CELSR1: variants seen among roughly 807,000 people sequenced by gnomAD.
CELSR1 encodes adhesion G protein-coupled receptor C1.
CELSR1 carries 110 observed loss-of-function variants against 249.1 expected under a neutral mutation model. The observed-to-expected ratio is 0.44, with a 90% confidence interval of 0.38 to 0.52. The LOEUF (loss-of-function observed/expected upper bound fraction) is 0.52. CELSR1 is among the 20% of genes least tolerant of loss of function. CELSR1 has a pLI of 0.00. For synonymous variants in CELSR1, 2,113 were observed against 1,900.0 expected (o/e 1.11, Z -2.92); for missense variants, 4,109 against 4,296.4 (o/e 0.96, Z 1.22).
chr22:46,368,660 C>T (rs114511168), intron 27 of CELSR1, among the ~76,000 whole-genome samples: 3,129 of 152,176 alleles, frequency 0.021, 107 homozygotes, highest in African/African-American at 0.071. Context: ...GGCTCCTGGA[C>T]GCTGTGCTGA....
In CELSR1 at chr22:46,436,736, C is replaced by A. The variant is rs1333120676; in HGVS notation, c.4407-447G>T. Among the ~76,000 whole-genome samples, 2 of 151,918 alleles carry A rather than the reference C, an allele frequency of 1.3e-5. No homozygotes were observed. The highest frequency in any genetic ancestry group is 2.9e-5 in the Non-Finnish European group (2 of 67,990). ...AGGACCATTCTTATGGCCTCTCCCC[C>A]CGGCACTCAGCCACAATAGCATCTT... On this transcript the variant is annotated intron_variant, in intron 3 of 34. Transcript: ENST00000674500. The surrounding 1 kb of genome is among the most constrained non-coding windows in gnomAD (Gnocchi z 5.9).
rs1291615845 is a variant in CELSR1, at chr22:46,537,256, G to A, written c.-86C>T. The A allele has an allele frequency of 1.2e-5, 12 of 1,006,214 alleles. No individual in the cohort carries two copies. Among genetic ancestry groups the A allele is most frequent in the Admixed American group, 5.9e-5 (1 of 16,864 alleles). 62.3% of individuals were successfully genotyped at this position (1,006,214 alleles called of 1,614,324 possible). On this transcript the variant is annotated 5_prime_UTR_variant, in exon 1 of 35. Coordinates refer to ENST00000674500, the MANE Select transcript of CELSR1 (RefSeq NM_001378328.1). The surrounding 1 kb of genome is among the most constrained non-coding windows in gnomAD (Gnocchi z 5.8). ...CGCATCCACCCGGCGAGGCCGGGGA[G>A]CGGCTCCCGGGCGCCCGGCCCTCGG...
At chr22:46,449,938 A>ACTCACATGCACG (rs2079863430) in intron 2 of CELSR1, among the ~76,000 whole-genome samples, 2 of 114,942 alleles carry the variant, frequency 1.7e-5, no homozygotes, top group Non-Finnish European at 3.7e-5. Context: ...GTGCTCACAC[A>ACTCACATGCACG]CACTCACATG....
At chr22:46,523,712 G>GC (rs1569217701) in intron 1 of CELSR1, among the ~76,000 whole-genome samples, 1 of 152,062 alleles carries the variant, frequency 6.6e-6, no homozygotes, top group Non-Finnish European at 1.5e-5. Context: ...GTCAGCCCCT[G>GC]CTCTGAGCAG....
chr22:46,377,529 T>A, intron 23 of CELSR1: 1 of 502,300 alleles, frequency 2.0e-6, no homozygotes, highest in East Asian at 3.5e-5. Flanking sequence ...TTCAGAGACC[T>A]CTGGCTTTGG....
chr22:46,387,842 T>G (rs2079048579), intron 18 of CELSR1, among the ~76,000 whole-genome samples: 2 of 152,064 alleles, frequency 1.3e-5, no homozygotes, highest in African/African-American at 2.4e-5. Flanking sequence ...CCCTGGTTAT[T>G]ACATCAGAAC....
chr22:46,516,153 C>G (rs1345821515), intron 1 of CELSR1, among the ~76,000 whole-genome samples: 2 of 152,176 alleles, frequency 1.3e-5, no homozygotes, highest in African/African-American at 4.8e-5. Context: ...AAGACACATG[C>G]ACACGTATGT....
chr22:46,399,336 C>T lies in CELSR1; in HGVS notation c.5412+381G>A, dbSNP rs1034887170. 6.6e-6 allele frequency among the ~76,000 whole-genome samples: 1 copy of T among 152,214 alleles called. No individual in the cohort carries two copies. The stretch of plus-strand genomic sequence containing the variant: ...CTCACTGCTCTCCCAGTTTTGCTCC[C>T]CATCCATGCTCTGAGGGCACGGGCC... On this transcript the variant is annotated intron_variant, in intron 10 of 34. Coordinates refer to ENST00000674500, the MANE Select transcript of CELSR1 (RefSeq NM_001378328.1). This position sits in a 1 kb window ranked among gnomAD's most constrained non-coding sequence, Gnocchi z 5.0.
Position 46,463,936 on chromosome 22 carries a change from G to T in CELSR1, c.3954C>A (p.Cys1318Ter). ...LREPCENYMK[C>*]VSVLRFDSSA... ...AGCTGTCGAATCGCAGAACGGACAC[G>T]CACTTCATGTAGTTCTCGCAGGGCT... Residue 1318 changes from cysteine to a stop codon, truncating the protein, a stop_gained, in exon 2 of 35, where the codon TGC (cysteine) becomes TGA (stop). Transcript: ENST00000674500. LOFTEE classifies it high-confidence loss of function. 6.2e-7 allele frequency: 1 copy of T among 1,614,032 alleles called. No homozygotes were observed. The highest frequency in any genetic ancestry group is 1.1e-5 in the South Asian group (1 of 91,086).
rs779517648 is a variant in CELSR1, at chr22:46,536,502, G to C, written c.669C>G (p.Pro223=). ...SPSPPLPPNL[P]EARAGPARRA... is the part of the protein sequence containing the mutation. ...GTCGCGCCGGCCCCGCCCGGGCTTC[G>C]GGCAAGTTCGGCGGCAGGGGCGGCG... The change falls in exon 1 of 35, where the codon CCC becomes CCG. Residue 223 remains proline (P), a synonymous_variant. Coordinates refer to ENST00000674500, the MANE Select transcript of CELSR1 (RefSeq NM_001378328.1). The C allele has an allele frequency of 2.5e-5, 38 of 1,545,156 alleles. No homozygotes were observed. The Admixed American group carries it at 3.3e-4, about 13-fold the overall frequency.
In CELSR1 at chr22:46,440,491, G is replaced by A. The variant is rs947059213; in HGVS notation, c.4184-1080C>T. On this transcript the variant is annotated intron_variant, in intron 2 of 34. Transcript: ENST00000674500. The surrounding 1 kb of genome is among the most constrained non-coding windows in gnomAD (Gnocchi z 4.7). ...TGGGATTACAGGCGTGAGCCACCGC[G>A]CCCGGCCAGTATGATCAATCTTTAA... is the stretch of plus-strand genomic sequence containing the variant. Among the ~76,000 whole-genome samples, 3 of 152,300 alleles carry A rather than the reference G, an allele frequency of 2.0e-5. No homozygotes were observed. The highest frequency in any genetic ancestry group is 4.1e-4 in the South Asian group (2 of 4,820).
At chr22:46,397,937 G>A (rs538384213) in intron 11 of CELSR1, 89 bp from the exon 12 acceptor site, 41 of 1,136,318 alleles carry the variant, frequency 3.6e-5, no homozygotes, top group Non-Finnish European at 4.5e-5. Context: ...GGTCCCTTGC[G>A]AGGCATTCAT....
At position 46,528,798 on chromosome 22, in the gene CELSR1, G is replaced by A. The variant is rs912666017; in HGVS notation, c.3544+4829C>T. 3.3e-5 allele frequency among the ~76,000 whole-genome samples: 5 copies of A among 151,432 alleles called. No individual in the cohort carries two copies. The East Asian group carries it at 5.8e-4, about 18-fold the overall frequency. Reference sequence around the variant, plus strand: ...AAAAAAATCAGCCGGGCGTGGTGGCGGGCGCCTGTAGTCCCAGCTACTCGG... The same window carrying A: ...AAAAAAATCAGCCGGGCGTGGTGGCAGGCGCCTGTAGTCCCAGCTACTCGG... On this transcript the variant is annotated intron_variant, in intron 1 of 34. Coordinates refer to ENST00000674500, the MANE Select transcript of CELSR1 (RefSeq NM_001378328.1).
intron 1 of CELSR1, among the ~76,000 whole-genome samples, chr22:46,531,292 G>A (rs2080789737): frequency 6.6e-6 from 1 of 150,968 alleles, no homozygotes; most frequent in African/African-American, 2.4e-5. Context: ...TGCAACCTCC[G>A]CCTCCCAGAT....
rs2079924434 is a variant in CELSR1 at position 46,454,559 on chromosome 22, C to T, written c.4183+9148G>A. On this transcript the variant is annotated intron_variant, in intron 2 of 34. Transcript: ENST00000674500. The surrounding 1 kb of genome is among the most constrained non-coding windows in gnomAD (Gnocchi z 5.1). ...AGCGAGGTTTCTATTGCATGCGGCT[C>T]GTCTTCAGGCCACTTTTCTAACTGT... 6.6e-6 allele frequency among the ~76,000 whole-genome samples: 1 copy of T among 152,256 alleles called. No individual in the cohort carries two copies. The highest frequency in any genetic ancestry group is 2.1e-4 in the South Asian group (1 of 4,838).
chr22:46,466,468 G>A (rs1193183497), intron 1 of CELSR1, among the ~76,000 whole-genome samples: 6 of 152,292 alleles, frequency 3.9e-5, no homozygotes, highest in South Asian at 2.1e-4. Context: ...CAGCACTCCC[G>A]TCCAGGGCCC....
Position 46,378,626 on chromosome 22 carries a change from T to G in CELSR1, c.7348A>C (p.Ser2450Arg). 6.3e-7 allele frequency: 1 copy of G among 1,599,148 alleles called. No homozygotes were observed. The highest frequency in any genetic ancestry group is 8.5e-7 in the Non-Finnish European group (1 of 1,173,904). ...GAGATATCCATGAGCACCGCAAAGC[T>G]GGCTGTGTGGCTGCACTGGCAGGCG... ...HVACQCSHTA[S>R]FAVLMDISRR... Residue 2450 changes from serine (S) to arginine (R), a missense_variant, in exon 23 of 35, where the codon AGC becomes CGC. By Grantham distance (110) the Ser-to-Arg change is moderately radical. This residue lies in a region of CELSR1 where 1,805 missense variants were observed against 1,831.6 expected (regional missense o/e 0.99). Coordinates refer to ENST00000674500, the MANE Select transcript of CELSR1 (RefSeq NM_001378328.1).
chr22:46,530,159 A>T (rs924200138), intron 1 of CELSR1: 7 of 146,562 alleles, frequency 4.8e-5, no homozygotes, highest in Non-Finnish European at 7.4e-5. Context: ...CAAATAATTA[A>T]AAAAAAAATC....
chr22:46,417,574 C>G lies in CELSR1; in HGVS notation c.4612-5815G>C, dbSNP rs908328986. ...AAGCCCAACTGAGCCACTGGGCCACCGGGTGGGGAGGGCAGCTCCACACTA... is the reference window on the plus strand; with the variant it reads ...AAGCCCAACTGAGCCACTGGGCCACGGGGTGGGGAGGGCAGCTCCACACTA... On this transcript the variant is annotated intron_variant, in intron 5 of 34. Coordinates refer to ENST00000674500, the MANE Select transcript of CELSR1 (RefSeq NM_001378328.1). The surrounding 1 kb of genome is among the most constrained non-coding windows in gnomAD (Gnocchi z 4.1). 1.3e-5 allele frequency among the ~76,000 whole-genome samples: 2 copies of G among 152,172 alleles called. No homozygotes were observed. Among genetic ancestry groups the G allele is most frequent in the Non-Finnish European group, 2.9e-5 (2 of 68,028 alleles).
Sources: allele counts gnomAD v4.1 joint callset (sites outside exome capture counted in the v4.1 genomes callset), GRCh38; gene constraint gnomAD v4.1.1; regional missense constraint gnomAD v4.1.1; non-coding constraint Gnocchi (gnomAD v3.1); transcripts MANE v1.5; gene names NCBI Gene and HGNC (gene_info 2026-07-23, HGNC 2026-07-21).